Variants in SLIT3 observed in about 807,000 individuals in gnomAD.
The protein encoded by SLIT3 is slit guidance ligand 3.
SLIT3 carries 68 observed loss-of-function variants against 184.0 expected under a neutral mutation model. That is an observed-to-expected ratio of 0.37 (90% CI 0.30 to 0.45). SLIT3 has a LOEUF of 0.45. Among genes scored for constraint, SLIT3 ranks in the 20% least tolerant of loss-of-function variants. SLIT3 has a pLI of 1.00. For missense variants in SLIT3, 1,707 were observed against 2,026.0 expected, an observed-to-expected ratio of 0.84 and a Z score of 3.02; for synonymous variants, 831 against 828.6, an observed-to-expected ratio of 1.00 and a Z score of -0.05.
intron 1 of SLIT3, among the ~76,000 whole-genome samples, chr5:169,290,165 A>C (rs969328183): frequency 4.6e-5 from 7 of 151,968 alleles, no homozygotes; most frequent in Non-Finnish European, 2.9e-5. Flanking sequence ...ATGCTAGGGC[A>C]CATGCTAGGG....
chr5:168,875,402 C>T (rs575216351), intron 5 of SLIT3, among the ~76,000 whole-genome samples: 1 of 152,072 alleles, frequency 6.6e-6, no homozygotes, highest in South Asian at 2.1e-4. Flanking sequence ...GAGGCTAAGG[C>T]GGGTGGATCA....
chr5:168,802,865 T>G (rs2113622639), intron 9 of SLIT3, among the ~76,000 whole-genome samples: 1 of 152,318 alleles, frequency 6.6e-6, no homozygotes, highest in South Asian at 2.1e-4. Flanking sequence ...CTAACTTTCA[T>G]AAGAACCAGT....
At chr5:168,996,886 G>C (rs915746112) in intron 4 of SLIT3, among the ~76,000 whole-genome samples, 3 of 152,190 alleles carry the variant, frequency 2.0e-5, no homozygotes, top group African/African-American at 7.2e-5. Context: ...GCCGGGTGGA[G>C]TGGAGGAGTG....
chr5:169,032,004 G>A (rs1481648000), intron 4 of SLIT3, among the ~76,000 whole-genome samples: 1 of 152,142 alleles, frequency 6.6e-6, no homozygotes, highest in Non-Finnish European at 1.5e-5. Flanking sequence ...TTTGGATTAG[G>A]TGATGTGGTT....
intron 10 of SLIT3, among the ~76,000 whole-genome samples, chr5:168,794,994 C>T (rs536081843): frequency 3.9e-5 from 6 of 152,176 alleles, no homozygotes; most frequent in African/African-American, 7.2e-5. Flanking sequence ...TTCTCCCACT[C>T]GAATGCAAGC....
At chr5:169,290,175 GCATATGCTAGGGTGTGCACTAGGA>G (rs1454144876) in intron 1 of SLIT3, among the ~76,000 whole-genome samples, 1 of 151,600 alleles carries the variant, frequency 6.6e-6, no homozygotes, top group East Asian at 2.0e-4. Context: ...ACATGCTAGG[GCATATGCTAGGGTGTGCACTAGGA>G]CATATGCTAG....
At chr5:169,093,111 G>A (rs2113208405) in intron 4 of SLIT3, among the ~76,000 whole-genome samples, 1 of 152,272 alleles carries the variant, frequency 6.6e-6, no homozygotes, top group African/African-American at 2.4e-5. Context: ...AGAACAATAG[G>A]AATTTATTTA....
At chr5:169,265,954 C>T (rs1009880918) in intron 1 of SLIT3, among the ~76,000 whole-genome samples, 1 of 152,210 alleles carries the variant, frequency 6.6e-6, no homozygotes, top group Non-Finnish European at 1.5e-5. Flanking sequence ...GTGCTTCCTT[C>T]CTGTCACACA....
intron 4 of SLIT3, among the ~76,000 whole-genome samples, chr5:169,098,211 A>T (rs1759863818): frequency 6.6e-6 from 1 of 152,120 alleles, no homozygotes; most frequent in Admixed American, 6.5e-5. Flanking sequence ...TCCAGGAAGA[A>T]CTTCCCTTTC....
intron 1 of SLIT3, among the ~76,000 whole-genome samples, chr5:169,288,605 A>C (rs1279778404): frequency 6.6e-6 from 1 of 152,186 alleles, no homozygotes; most frequent in Non-Finnish European, 1.5e-5. Flanking sequence ...GTTAGTTTGA[A>C]CTGTTCTAGT....
At chr5:168,709,911 G>A (rs943437719) in intron 25 of SLIT3, 17 of 151,818 alleles carry the variant, frequency 1.1e-4, no homozygotes, top group African/African-American at 3.9e-4. Context: ...TGCAACCAAA[G>A]GATGCTACTG....
intron 1 of SLIT3, among the ~76,000 whole-genome samples, chr5:169,262,097 C>T (rs1766210831): frequency 6.6e-6 from 1 of 152,166 alleles, no homozygotes; most frequent in Non-Finnish European, 1.5e-5. Flanking sequence ...CTCAACCAAA[C>T]CCTTGTGTGC....
intron 12 of SLIT3, among the ~76,000 whole-genome samples, chr5:168,777,011 A>G (rs183085696): frequency 3.9e-5 from 6 of 152,176 alleles, no homozygotes; most frequent in Non-Finnish European, 2.9e-5. Context: ...GTCATGCCAC[A>G]TATATGTGTT....
intron 4 of SLIT3, among the ~76,000 whole-genome samples, chr5:169,084,462 T>C (rs967648116): frequency 4.1e-5 from 5 of 121,320 alleles, no homozygotes; most frequent in East Asian, 5.9e-4. Context: ...AGATTTTTTT[T>C]TTTTTTTTTT....
chr5:169,137,190 G>A (rs1028961954), intron 4 of SLIT3, among the ~76,000 whole-genome samples: 46 of 152,108 alleles, frequency 3.0e-4, no homozygotes, highest in Middle Eastern at 3.4e-3. Context: ...ACTTTACCTC[G>A]CCCAACTCTA....
At chr5:169,202,375 C>T (rs1360176560) in intron 3 of SLIT3, among the ~76,000 whole-genome samples, 1 of 152,126 alleles carries the variant, frequency 6.6e-6, no homozygotes, top group Non-Finnish European at 1.5e-5. Context: ...TATTATCTCA[C>T]TTCGTCCTTA....
chr5:169,034,763 A>G (rs1180746103), intron 4 of SLIT3, among the ~76,000 whole-genome samples: 1 of 139,686 alleles, frequency 7.2e-6, no homozygotes, highest in South Asian at 2.2e-4. Flanking sequence ...TTTTTTTTTG[A>G]GACAGAGTCT....
intron 26 of SLIT3, chr5:168,707,048 G>C (rs1043469074): frequency 6.6e-6 from 1 of 152,240 alleles, no homozygotes; most frequent in East Asian, 1.9e-4. Flanking sequence ...CAGCTTTGCT[G>C]ATTCCAGTGA....
chr5:169,028,712 C>A (rs1756923236), intron 4 of SLIT3, among the ~76,000 whole-genome samples: 1 of 152,216 alleles, frequency 6.6e-6, no homozygotes, highest in African/African-American at 2.4e-5. Flanking sequence ...AGAAGAACCA[C>A]TAAGCTAGCT....
Sources: gnomAD v4.1 joint callset for allele counts (sites outside exome capture counted in the v4.1 genomes callset) on GRCh38, gnomAD v4.1.1 for gene constraint, MANE v1.5 for transcripts, NCBI Gene and HGNC (gene_info 2026-07-23, HGNC 2026-07-21) for gene names.